Variants in COL18A1 observed in about 807,000 individuals in gnomAD.
The protein encoded by COL18A1 is collagen type XVIII alpha 1 chain.
COL18A1 carries 133 observed loss-of-function variants against 168.0 expected under a neutral mutation model. The observed-to-expected ratio is 0.79, with a 90% confidence interval of 0.69 to 0.91. The LOEUF (loss-of-function observed/expected upper bound fraction) is 0.91, where lower values mean the gene tolerates loss of function less well. COL18A1 is among the 40% of genes least tolerant of loss of function. COL18A1 has a pLI of 0.00. For missense variants in COL18A1, 2,126 were observed against 1,925.4 expected (o/e 1.10, Z -1.95); for synonymous variants, 949 against 809.0 (o/e 1.17, Z -2.94).
In COL18A1 at chr21:45,485,869, G is replaced by T. The variant is rs1166142037; in HGVS notation, c.1702-992G>T. ...TATCAAGGCAGCGGGTCACATTCCTGCCCCATTTGTGGACAGTGCTGGGCT... is the reference window on the plus strand; with the variant it reads ...TATCAAGGCAGCGGGTCACATTCCTTCCCCATTTGTGGACAGTGCTGGGCT... On this transcript the variant is annotated intron_variant, in intron 15 of 41. Coordinates refer to ENST00000651438, the MANE Select transcript of COL18A1 (RefSeq NM_001379500.1). 3.3e-5 allele frequency among the ~76,000 whole-genome samples: 5 copies of T among 152,226 alleles called. No homozygotes were observed. In the East Asian group the frequency reaches 9.6e-4, roughly 29 times the overall value.
intron 2 of COL18A1, chr21:45,421,675 A>G: frequency 2.0e-6 from 1 of 489,032 alleles, no homozygotes; most frequent in Non-Finnish European, 4.2e-6. Context: ...GGAAGCTCAC[A>G]CTGTTTCAGG....
chr21:45,405,523 G>A, intron 2 of COL18A1, 50 bp downstream of exon 2: 1 of 1,170,134 alleles, frequency 8.5e-7, no homozygotes, highest in South Asian at 2.5e-5. Context: ...CGCCGGCCTC[G>A]CCGCCCTGGC....
In COL18A1 at chr21:45,425,752, A is replaced by G. The variant is rs2033779331; in HGVS notation, c.106+20279A>G. Among the ~76,000 whole-genome samples the G allele has an allele frequency of 6.6e-6, 1 of 152,124 alleles. No homozygotes were observed. The highest frequency in any genetic ancestry group is 2.4e-5 in the African/African-American group (1 of 41,434). ...GCCTGTGGTGACCCCCATCCTCCCC[A>G]GGGTGGTCTGGCAGGGGACACTGTT... On this transcript the variant is annotated intron_variant, in intron 2 of 41. Transcript: ENST00000651438. This position sits in a 1 kb window ranked among gnomAD's most constrained non-coding sequence, Gnocchi z 4.1.
intron 2 of COL18A1, among the ~76,000 whole-genome samples, chr21:45,451,197 G>C (rs2034614487): frequency 6.6e-6 from 1 of 152,236 alleles, no homozygotes; most frequent in Non-Finnish European, 1.5e-5. Context: ...CTAGTGCCCT[G>C]GCCAGATGGC....
chr21:45,438,527 C>T (rs997419655), intron 2 of COL18A1, among the ~76,000 whole-genome samples: 4 of 152,246 alleles, frequency 2.6e-5, no homozygotes, highest in African/African-American at 9.6e-5. Flanking sequence ...TTTACTTTTC[C>T]TGCCGGCTGC....
intron 33 of COL18A1, 72 bp from the exon 34 acceptor site, chr21:45,504,344 C>A (rs1022888957): frequency 2.3e-5 from 35 of 1,499,450 alleles, no homozygotes; most frequent in Non-Finnish European, 3.0e-5. Flanking sequence ...AGCCCTGGCT[C>A]GGGGGGATGG....
chr21:45,414,229 G>C (rs1442012546), intron 2 of COL18A1, among the ~76,000 whole-genome samples: 1 of 152,212 alleles, frequency 6.6e-6, no homozygotes, highest in Non-Finnish European at 1.5e-5. Flanking sequence ...GTGCCTGGCA[G>C]GCAGTGTTGC....
chr21:45,509,128 T>G (rs1265017082), intron 38 of COL18A1, among the ~76,000 whole-genome samples: 1 of 152,008 alleles, frequency 6.6e-6, no homozygotes, highest in Non-Finnish European at 1.5e-5. Flanking sequence ...CACGGCTGGG[T>G]CTGTGGGGCC....
In COL18A1 at chr21:45,463,360, G is replaced by C. The variant is rs1397259802; in HGVS notation, c.107-4882G>C. Among the ~76,000 whole-genome samples, 1 of 152,218 alleles carries C rather than the reference G, an allele frequency of 6.6e-6. No individual in the cohort carries two copies. The highest frequency in any genetic ancestry group is 1.5e-5 in the Non-Finnish European group (1 of 68,038). On this transcript the variant is annotated intron_variant, in intron 2 of 41. Coordinates refer to ENST00000651438, the MANE Select transcript of COL18A1 (RefSeq NM_001379500.1). The surrounding 1 kb of genome is among the most constrained non-coding windows in gnomAD (Gnocchi z 4.0). ...ACCTGCTATGGGAATGGGGGTGGAG[G>C]ATGGATGTGTGGCTGCTATTGTGCC...
chr21:45,467,781 G>A (rs903473471), intron 2 of COL18A1, among the ~76,000 whole-genome samples: 20 of 152,038 alleles, frequency 1.3e-4, no homozygotes, highest in East Asian at 3.9e-4. Context: ...GCACAGGGCC[G>A]GGCGGGAAGG....
At chr21:45,468,025 T>G (rs74886847) in intron 2 of COL18A1, among the ~76,000 whole-genome samples, 4,442 of 152,288 alleles carry the variant, frequency 0.029, 228 homozygotes, top group African/African-American at 0.1. Flanking sequence ...CACACAGGTT[T>G]CTGCATGGAG....
At chr21:45,478,668 T>G (rs1267850041) in intron 9 of COL18A1, among the ~76,000 whole-genome samples, 3 of 136,768 alleles carry the variant, frequency 2.2e-5, no homozygotes, top group African/African-American at 5.6e-5. Flanking sequence ...GGGCAGGGGG[T>G]GGTGCAAGTC....
chr21:45,407,561 G>A (rs2033153677), intron 2 of COL18A1: 1 of 152,246 alleles, frequency 6.6e-6, no homozygotes. Flanking sequence ...ATTTGTGTGT[G>A]CGAAACAGCC....
chr21:45,431,391 G>GGTC (rs1241112450), intron 2 of COL18A1, among the ~76,000 whole-genome samples: 4 of 149,230 alleles, frequency 2.7e-5, no homozygotes, highest in African/African-American at 7.5e-5. Context: ...CGGCCCAGGG[G>GGTC]AGGGGGGCAG....
chr21:45,508,036 G>T (rs2146106280), intron 38 of COL18A1, among the ~76,000 whole-genome samples: 1 of 151,448 alleles, frequency 6.6e-6, no homozygotes, highest in Admixed American at 6.6e-5. Flanking sequence ...TGGGTGAGTG[G>T]ATACGTAGGT....
rs200650755 is a variant in COL18A1 at position 45,491,328 on chromosome 21, G to C, written c.2157+14G>C. On this transcript the variant is annotated intron_variant, in intron 22 of 41. Coordinates refer to ENST00000651438, the MANE Select transcript of COL18A1 (RefSeq NM_001379500.1). ...TCGGAGCAGGACGTAAGGACGCTGC[G>C]TGGGTGGGCACCCAATCTGTCCAGA... is the stretch of plus-strand genomic sequence containing the variant. 2 of 1,597,800 alleles carry C rather than the reference G, an allele frequency of 1.3e-6. No homozygotes were observed. Among genetic ancestry groups the C allele is most frequent in the African/African-American group, 1.3e-5 (1 of 74,568 alleles).
chr21:45,478,198 G>A lies in COL18A1; in HGVS notation c.1222-129G>A, dbSNP rs898020293. 1.6e-5 allele frequency: 20 copies of A among 1,244,984 alleles called. No individual in the cohort carries two copies. The Admixed American group carries it at 2.0e-4, about 12-fold the overall frequency. The allele number at this position is 1,244,984 out of a possible 1,614,324, so 77.1% of individuals were successfully genotyped here. On this transcript the variant is annotated intron_variant, in intron 8 of 41. Coordinates refer to ENST00000651438, the MANE Select transcript of COL18A1 (RefSeq NM_001379500.1). ...GTGAGGAGGCTCCTGGCGCGGGTGC[G>A]AGGACATCGGGGGAAGGCGTCTGCC...
intron 4 of COL18A1, among the ~76,000 whole-genome samples, chr21:45,474,755 C>CAT: frequency 6.8e-6 from 1 of 146,180 alleles, no homozygotes; most frequent in African/African-American, 2.5e-5. Context: ...ACGCCGTGGA[C>CAT]GTGGACCCAC....
chr21:45,490,291 A>T lies in COL18A1; in HGVS notation c.1976A>T (p.Asp659Val). The change falls in exon 20 of 42, where the codon GAT (aspartate) becomes GTT (valine). Residue 659 changes from aspartate to valine, a missense_variant. Coordinates refer to ENST00000651438, the MANE Select transcript of COL18A1 (RefSeq NM_001379500.1). ...LPGAKGEVGADGVPGFPGLPG... is the reference protein window; with the variant it reads ...LPGAKGEVGAVGVPGFPGLPG... ...CCCTTTCAGGGAGAAGTTGGAGCAG[A>T]TGGAGTCCCCGGGTTCCCCGGCCTC... 2 of 1,586,888 alleles carry T rather than the reference A, an allele frequency of 1.3e-6. No homozygotes were observed. Among genetic ancestry groups the T allele is most frequent in the South Asian group, 1.1e-5 (1 of 87,280 alleles).
Sources: allele counts gnomAD v4.1 joint callset (sites outside exome capture counted in the v4.1 genomes callset), GRCh38; gene constraint gnomAD v4.1.1; non-coding constraint Gnocchi (gnomAD v3.1); transcripts MANE v1.5; gene names NCBI Gene and HGNC (gene_info 2026-07-23, HGNC 2026-07-21).